The following SOX5 variants were observed in gnomAD, a reference collection of about 807,000 sequenced individuals.
SOX5 encodes SRY-box transcription factor 5.
In SOX5, 9 loss-of-function variants were observed where a neutral mutation model predicts 92.0. That is an observed-to-expected ratio of 0.10 (90% CI 0.06 to 0.17). The LOEUF (loss-of-function observed/expected upper bound fraction) is 0.17. SOX5 is among the 10% of genes least tolerant of loss of function. SOX5 has a pLI of 1.00. For synonymous variants in SOX5, 344 were observed against 336.3 expected (o/e 1.02, Z -0.25); for missense variants, 642 against 944.5 (o/e 0.68, Z 4.20).
chr12:23,903,089 T>C (rs1161804414), intron 1 of SOX5, among the ~76,000 whole-genome samples: 1 of 152,142 alleles, frequency 6.6e-6, no homozygotes, highest in Non-Finnish European at 1.5e-5. Flanking sequence ...TATTCATTCA[T>C]TAGTGGAAAA....
At chr12:23,696,081 CTA>C (rs2089803703) in intron 6 of SOX5, among the ~76,000 whole-genome samples, 1 of 151,454 alleles carries the variant, frequency 6.6e-6, no homozygotes, top group Admixed American at 6.6e-5. Flanking sequence ...AATTTTGCAC[CTA>C]TCTTTGTGAA....
chr12:23,809,247 A>G (rs2095833921), intron 3 of SOX5, among the ~76,000 whole-genome samples: 1 of 152,164 alleles, frequency 6.6e-6, no homozygotes, highest in East Asian at 1.9e-4. Context: ...GCTGGTGGGT[A>G]GGGAGAGGCA....
intron 3 of SOX5, among the ~76,000 whole-genome samples, chr12:24,261,787 T>C (rs1361898695): frequency 6.6e-6 from 1 of 152,210 alleles, no homozygotes; most frequent in African/African-American, 2.4e-5. Flanking sequence ...AAGGCTCCAC[T>C]CAAATACCAT....
intron 1 of SOX5, among the ~76,000 whole-genome samples, chr12:24,394,829 T>C (rs567507687): frequency 2.0e-5 from 3 of 152,224 alleles, no homozygotes; most frequent in African/African-American, 7.2e-5. Context: ...ATAAAAATTG[T>C]AGTTCAATTT....
chr12:24,380,203 G>A (rs1312001940), intron 1 of SOX5, among the ~76,000 whole-genome samples: 2 of 152,234 alleles, frequency 1.3e-5, no homozygotes, highest in African/African-American at 4.8e-5. Flanking sequence ...TAGGGGCAAA[G>A]TTGGTATCCC....
In SOX5 at chr12:23,849,312, T is replaced by C. The variant is rs915986922; in HGVS notation, c.271-3119A>G. On this transcript the variant is annotated intron_variant, in intron 2 of 14. Transcript: ENST00000451604. ...CATTAATATTCAATCTATCAGACAG[T>C]AATTGATAAGAATGATAGCAAATAT... 3.3e-5 allele frequency among the ~76,000 whole-genome samples: 5 copies of C among 152,096 alleles called. No individual in the cohort carries two copies. The East Asian group carries it at 9.6e-4, about 29-fold the overall frequency.
intron 2 of SOX5, among the ~76,000 whole-genome samples, chr12:23,883,483 T>C (rs923312084): frequency 2.0e-5 from 3 of 152,242 alleles, no homozygotes; most frequent in Non-Finnish European, 2.9e-5. Flanking sequence ...CTATATCATC[T>C]ATTCAGTGCT....
chr12:23,980,863 A>G (rs1156957950), intron 4 of SOX5, among the ~76,000 whole-genome samples: 1 of 152,154 alleles, frequency 6.6e-6, no homozygotes, highest in African/African-American at 2.4e-5. Context: ...GCAGCAGATC[A>G]AGCTGTTATG....
intron 1 of SOX5, among the ~76,000 whole-genome samples, chr12:24,532,999 C>T (rs1217355120): frequency 6.6e-6 from 1 of 152,166 alleles, no homozygotes; most frequent in East Asian, 1.9e-4. Flanking sequence ...CCAACTATTT[C>T]CATTATAGCA....
intron 1 of SOX5, among the ~76,000 whole-genome samples, chr12:24,558,984 C>A (rs553461494): frequency 7.9e-5 from 12 of 152,220 alleles, no homozygotes; most frequent in East Asian, 1.9e-4. Context: ...AACCAAAATG[C>A]CTTTCTGAAA....
chr12:23,705,734 A>G (rs2091301883), intron 6 of SOX5, among the ~76,000 whole-genome samples: 1 of 152,052 alleles, frequency 6.6e-6, no homozygotes, highest in Non-Finnish European at 1.5e-5. Flanking sequence ...CCTGTTGGTA[A>G]CTTTACGTAA....
At chr12:23,595,618 C>CAAAAAAA (rs747265656) in intron 9 of SOX5, among the ~76,000 whole-genome samples, 6 of 46,310 alleles carry the variant, frequency 1.3e-4, no homozygotes, top group African/African-American at 3.6e-4. Context: ...GACTCTGCCT[C>CAAAAAAA]AAAAAAAAAA....
rs146699228 is a variant in SOX5 at position 24,084,280 on chromosome 12, G to A, written c.-2+129063C>T. On this transcript the variant is annotated intron_variant, in intron 4 of 4. Coordinates refer to the SOX5 transcript ENST00000446891. ...TTGTGTCTAGATTCAGGAAGCAGAA[G>A]GGTGAAGTGGAGTCAGTAAAATGGT... 2.2e-4 allele frequency among the ~76,000 whole-genome samples: 33 copies of A among 152,174 alleles called. No homozygotes were observed. In the East Asian group the frequency reaches 6.0e-3, roughly 28 times the overall value.
At chr12:24,394,604 T>C (rs1157817531) in intron 1 of SOX5, among the ~76,000 whole-genome samples, 1 of 152,192 alleles carries the variant, frequency 6.6e-6, no homozygotes, top group Non-Finnish European at 1.5e-5. Context: ...ACTAAGGCAC[T>C]TACCAAGTTG....
chr12:23,677,134 T>G (rs2085839425), intron 6 of SOX5, among the ~76,000 whole-genome samples: 2 of 152,216 alleles, frequency 1.3e-5, no homozygotes, highest in Non-Finnish European at 2.9e-5. Flanking sequence ...GATTCATGAC[T>G]TTTCCTCAGA....
chr12:24,223,357 TATTC>T (rs1355063094), intron 3 of SOX5: 1 of 152,156 alleles, frequency 6.6e-6, no homozygotes, highest in African/African-American at 2.4e-5. Context: ...AGTCAGAAAA[TATTC>T]ATTGTCTTTG....
chr12:23,820,780 A>G (rs576652853), intron 3 of SOX5, among the ~76,000 whole-genome samples: 3 of 152,168 alleles, frequency 2.0e-5, no homozygotes, highest in East Asian at 1.9e-4. Context: ...CCATTGGTCT[A>G]TATCTCTGTT....
At chr12:23,600,542 T>TATATATATATATATAC (rs1566193400) in intron 9 of SOX5, among the ~76,000 whole-genome samples, 1 of 123,306 alleles carries the variant, frequency 8.1e-6, no homozygotes, top group Non-Finnish European at 1.7e-5. Context: ...TATATATATA[T>TATATATATATATATAC]ATATATATAT....
intron 12 of SOX5, among the ~76,000 whole-genome samples, 195 bp downstream of exon 12, chr12:23,546,121 A>G (rs1943089243): frequency 6.6e-6 from 1 of 152,162 alleles, no homozygotes; most frequent in Non-Finnish European, 1.5e-5. Flanking sequence ...TAGGTTGACT[A>G]GGAATTAAAT....
Sources: gnomAD v4.1 joint callset for allele counts (sites outside exome capture counted in the v4.1 genomes callset) on GRCh38, gnomAD v4.1.1 for gene constraint, MANE v1.5 for transcripts, NCBI Gene and HGNC (gene_info 2026-07-23, HGNC 2026-07-21) for gene names.